Variants in REDIC1 observed in about 807,000 individuals in gnomAD.
REDIC1 encodes regulator of DNA class I crossover intermediates 1.
the REDIC1 span, chr12:39,829,967 G>A: frequency 9.4e-7 from 1 of 1,069,166 alleles, no homozygotes; most frequent in Non-Finnish European, 1.4e-6. Flanking sequence ...ACTATCACCA[G>A]TATATGCTGC....
the REDIC1 span, among the ~76,000 whole-genome samples, chr12:39,885,640 T>C: frequency 1.3e-5 from 2 of 152,158 alleles, no homozygotes; most frequent in African/African-American, 4.8e-5. Context: ...CTGGCCTTAG[T>C]ACATAGGAAT....
At chr12:39,704,281 C>G in the REDIC1 span, among the ~76,000 whole-genome samples, 2 of 152,128 alleles carry the variant, frequency 1.3e-5, no homozygotes, top group Non-Finnish European at 2.9e-5. Flanking sequence ...AGACACTTCT[C>G]AAAAGAAGAC....
chr12:39,642,004 T>C, the REDIC1 span, among the ~76,000 whole-genome samples: 5 of 151,946 alleles, frequency 3.3e-5, no homozygotes, highest in Middle Eastern at 0.01. Flanking sequence ...TTCTGATCTT[T>C]CTTTGGTACA....
the REDIC1 span, among the ~76,000 whole-genome samples, chr12:39,851,590 A>ATT: frequency 1.3e-5 from 2 of 152,208 alleles, no homozygotes; most frequent in African/African-American, 2.4e-5. Context: ...CATCCATGCT[A>ATT]AATGCCAAGG....
the REDIC1 span, among the ~76,000 whole-genome samples, chr12:39,895,543 TATATATATAC>T: frequency 1.3e-5 from 1 of 78,796 alleles, no homozygotes; most frequent in Non-Finnish European, 2.6e-5. Context: ...TATATATATA[TATATATATAC>T]ACACACACAC....
At chr12:39,716,314 CT>C in the REDIC1 span, among the ~76,000 whole-genome samples, 1 of 151,934 alleles carries the variant, frequency 6.6e-6, no homozygotes. Context: ...AAACTGGATG[CT>C]TTGAATAGGT....
chr12:39,873,089 T>C, the REDIC1 span, among the ~76,000 whole-genome samples: 5 of 152,186 alleles, frequency 3.3e-5, no homozygotes, highest in Admixed American at 3.3e-4. Context: ...TGATGATGGT[T>C]CTTATCTAAA....
the REDIC1 span, among the ~76,000 whole-genome samples, chr12:39,838,738 G>T: frequency 6.6e-6 from 1 of 152,006 alleles, no homozygotes; most frequent in East Asian, 1.9e-4. Flanking sequence ...GGCCAAATGT[G>T]CTCTCAGCTC....
chr12:39,897,301 ACAGACTATCTGAAAGATAAGCTCAAGCAG>A, the REDIC1 span, among the ~76,000 whole-genome samples: 1 of 152,210 alleles, frequency 6.6e-6, no homozygotes, highest in Non-Finnish European at 1.5e-5. Flanking sequence ...GCAAGCCTGC[ACAGACTATCTGAAAGATAAGCTCAAGCAG>A]AGCTCCATAT....
chr12:39,717,648 T>C, the REDIC1 span, among the ~76,000 whole-genome samples: 1 of 152,042 alleles, frequency 6.6e-6, no homozygotes, highest in South Asian at 2.1e-4. Flanking sequence ...CTGTCTGACT[T>C]TTGATTTTTC....
chr12:39,803,337 G>A, the REDIC1 span, among the ~76,000 whole-genome samples: 3 of 151,934 alleles, frequency 2.0e-5, no homozygotes, highest in East Asian at 1.9e-4. Flanking sequence ...ACAATCTACC[G>A]TGATCAGTAG....
the REDIC1 span, among the ~76,000 whole-genome samples, chr12:39,703,725 AAG>A: frequency 6.6e-6 from 1 of 152,224 alleles, no homozygotes; most frequent in Non-Finnish European, 1.5e-5. Flanking sequence ...CTGGTACCAA[AAG>A]AGAGATATAG....
chr12:39,869,654 T>G, the REDIC1 span, among the ~76,000 whole-genome samples: 1 of 152,128 alleles, frequency 6.6e-6, no homozygotes, highest in Non-Finnish European at 1.5e-5. Context: ...TCCCGAGGAA[T>G]TGTCTTAATA....
chr12:39,764,388 T>A, the REDIC1 span: 66 of 1,293,244 alleles, frequency 5.1e-5, no homozygotes, highest in East Asian at 1.7e-3. Flanking sequence ...CAATCACAAA[T>A]GATATTATAG....
the REDIC1 span, among the ~76,000 whole-genome samples, chr12:39,712,863 A>G: frequency 2.9e-4 from 4 of 13,994 alleles, no homozygotes; most frequent in Admixed American, 4.5e-3. Context: ...ATATGTATAT[A>G]CACGTATATA....
the REDIC1 span, among the ~76,000 whole-genome samples, chr12:39,869,795 C>A: frequency 6.6e-6 from 1 of 152,206 alleles, no homozygotes; most frequent in East Asian, 1.9e-4. Context: ...TGCTTTTGCA[C>A]TAAGTTTGTT....
At chr12:39,896,010 G>A in the REDIC1 span, among the ~76,000 whole-genome samples, 5 of 134,754 alleles carry the variant, frequency 3.7e-5, no homozygotes, top group African/African-American at 5.7e-5. Flanking sequence ...ATATATACAT[G>A]TGTATATGTA....
At chr12:39,754,018 T>C in the REDIC1 span, among the ~76,000 whole-genome samples, 1 of 152,170 alleles carries the variant, frequency 6.6e-6, no homozygotes, top group East Asian at 1.9e-4. Context: ...GATTTGTTCC[T>C]GTAATCCATA....
chr12:39,749,901 A>G, the REDIC1 span, among the ~76,000 whole-genome samples: 708 of 152,350 alleles, frequency 4.6e-3, 4 homozygotes, highest in African/African-American at 0.016. Flanking sequence ...TAAATTAGGT[A>G]TTGATGGGAC....
Sources: allele counts gnomAD v4.1 joint callset (sites outside exome capture counted in the v4.1 genomes callset), GRCh38; gene constraint gnomAD v4.1.1; transcripts MANE v1.5; gene names NCBI Gene and HGNC (gene_info 2026-07-23, HGNC 2026-07-21).